Variants in PARP15 observed in about 807,000 individuals in gnomAD.
PARP15 encodes protein mono-ADP-ribosyltransferase PARP15.
Under a neutral mutation model 62.1 loss-of-function variants are expected in PARP15, and 50 were observed. That is an observed-to-expected ratio of 0.81 (90% confidence interval 0.64 to 1.02). The LOEUF (loss-of-function observed/expected upper bound fraction) is 1.02, where lower values mean the gene tolerates loss of function less well. PARP15 is among the 50% of genes least tolerant of loss of function. The pLI is 0.00. For synonymous variants in PARP15, 309 were observed against 293.1 expected (o/e 1.05, Z -0.55); for missense variants, 820 against 826.5 (o/e 0.99, Z 0.10).
chr3:122,620,247 A>G (rs1936253394), intron 7 of PARP15, among the ~76,000 whole-genome samples: 1 of 152,198 alleles, frequency 6.6e-6, no homozygotes, highest in Admixed American at 6.5e-5. Context: ...TTAATGTGAA[A>G]AGTTCTGTAA....
In PARP15 at chr3:122,638,893, C is replaced by G. The variant is rs569282732; in HGVS notation, c.*2793C>G. 2 of 152,142 alleles carry G rather than the reference C, an allele frequency of 1.3e-5. No individual in the cohort carries two copies. Among genetic ancestry groups the G allele is most frequent in the Admixed American group, 6.5e-5 (1 of 15,286 alleles). The allele number at this position is 152,142 out of a possible 1,614,324, so 9.4% of individuals were successfully genotyped here. On this transcript the variant is annotated 3_prime_UTR_variant, in exon 12 of 12. Transcript: ENST00000464300. ...TTTTCTGTAAACATAATTTTAATGG[C>G]AGAGATATTCTGCTTTATATCTTTC...
At chr3:122,582,782 T>C (rs563521058) in intron 1 of PARP15, among the ~76,000 whole-genome samples, 8 of 152,304 alleles carry the variant, frequency 5.3e-5, no homozygotes, top group Non-Finnish European at 1.0e-4. Context: ...TTCGTATTAG[T>C]CCTCTTAAAG....
At chr3:122,631,036 T>G (rs983543641) in intron 9 of PARP15, among the ~76,000 whole-genome samples, 4 of 152,156 alleles carry the variant, frequency 2.6e-5, no homozygotes, top group Non-Finnish European at 5.9e-5. Flanking sequence ...ATGAAAGGAA[T>G]AGAAGGCCCC....
At position 122,617,165 on chromosome 3, in the gene PARP15, G is replaced by T. The variant is rs780861053; in HGVS notation, c.1000+1G>T. On this transcript the variant is annotated splice_donor_variant, in intron 6 of 11. Transcript: ENST00000464300. LOFTEE classifies it high-confidence loss of function. ...GCAAGGACATTTAATCGGAAATCAGGTACTTTATTTAAGCAATATATTGTA... is the reference window on the plus strand; with the variant it reads ...GCAAGGACATTTAATCGGAAATCAGTTACTTTATTTAAGCAATATATTGTA... 5.0e-6 allele frequency: 8 copies of T among 1,610,406 alleles called. No individual in the cohort carries two copies. The African/African-American group carries it at 6.7e-5, about 13-fold the overall frequency.
At chr3:122,578,000 T>G (rs2080718499) in intron 1 of PARP15, 147 bp downstream of exon 1, 1 of 762,542 alleles carries the variant, frequency 1.3e-6, no homozygotes, top group East Asian at 3.2e-5. Flanking sequence ...GACTTCCCTG[T>G]TCCGGAAGAG....
intron 1 of PARP15, among the ~76,000 whole-genome samples, chr3:122,596,959 G>T (rs1186741386): frequency 6.6e-6 from 1 of 152,226 alleles, no homozygotes; most frequent in Non-Finnish European, 1.5e-5. Context: ...CAAAGAAAAG[G>T]AGCTTAACTT....
rs914630433 is a variant in PARP15 at position 122,637,709 on chromosome 3, A to G, written c.*1609A>G. The stretch of plus-strand genomic sequence containing the variant: ...TGCCAATTTCTCATGTCTCCCTTCC[A>G]GTTTCTTCTCTGTCCAAATTCAACA... On this transcript the variant is annotated 3_prime_UTR_variant, in exon 12 of 12. Transcript: ENST00000464300. The G allele has an allele frequency of 1.3e-5, 2 of 152,184 alleles. No homozygotes were observed. The highest frequency in any genetic ancestry group is 2.9e-5 in the Non-Finnish European group (2 of 68,028). The allele number at this position is 152,184 out of a possible 1,614,324, so 9.4% of individuals were successfully genotyped here.
intron 8 of PARP15, 106 bp downstream of exon 8, chr3:122,621,717 A>G (rs1936362315): frequency 1.9e-6 from 2 of 1,075,336 alleles, no homozygotes; most frequent in African/African-American, 3.3e-5. Flanking sequence ...AAGTGGGAAC[A>G]ATGATGTAAA....
intron 1 of PARP15, among the ~76,000 whole-genome samples, chr3:122,595,848 T>C (rs1020364055): frequency 1.3e-5 from 2 of 152,096 alleles, no homozygotes; most frequent in Admixed American, 1.3e-4. Context: ...CTCATTTTTA[T>C]TCTTCTTTTC....
rs943508673 is a variant in PARP15, at chr3:122,626,739, T to C, written c.1232-88T>C. ...TTCCTGGCTGTGAGGGGCTTTCCTG[T>C]TTCTCAGCACTGAGAACTGGATTTG... On this transcript the variant is annotated intron_variant, in intron 8 of 11. Coordinates refer to ENST00000464300, the MANE Select transcript of PARP15 (RefSeq NM_001113523.3). 5.8e-6 allele frequency: 7 copies of C among 1,211,660 alleles called. No individual in the cohort carries two copies. The African/African-American group carries it at 1.1e-4, about 19-fold the overall frequency. 75.1% of individuals were successfully genotyped at this position (1,211,660 alleles called of 1,614,324 possible). A position where few individuals can be genotyped will look rare whatever the true frequency, so the allele number is the denominator to read the frequency against.
chr3:122,602,878 C>T (rs78736780), intron 1 of PARP15, among the ~76,000 whole-genome samples: 2,288 of 152,264 alleles, frequency 0.015, 51 homozygotes, highest in African/African-American at 0.053. Context: ...ATTGCATTTA[C>T]GAATGTCACA....
In PARP15 at chr3:122,595,067, G is replaced by C. The variant is rs532806281; in HGVS notation, c.187-10869G>C. On this transcript the variant is annotated intron_variant, in intron 1 of 11. Coordinates refer to ENST00000464300, the MANE Select transcript of PARP15 (RefSeq NM_001113523.3). ...ATGAAGTCAGATTAGAGGCTGCACA[G>C]GTGATAAGGAAACCCATCAAAGCCA... Among the ~76,000 whole-genome samples the C allele has an allele frequency of 3.3e-5, 5 of 152,294 alleles. No individual in the cohort carries two copies. In the South Asian group the frequency reaches 1.0e-3, roughly 32 times the overall value.
At chr3:122,615,324 T>G in intron 4 of PARP15, 2 of 1,290,942 alleles carry the variant, frequency 1.5e-6, no homozygotes, top group Admixed American at 2.3e-5. Context: ...GCATACTGTA[T>G]GTATTTGTTG....
intron 1 of PARP15, among the ~76,000 whole-genome samples, chr3:122,584,587 T>TTTTTTTTTTTC: frequency 7.0e-6 from 1 of 142,650 alleles, no homozygotes; most frequent in African/African-American, 2.7e-5. Context: ...TTTTTTTTTT[T>TTTTTTTTTTTC]TCCGAGATGG....
intron 5 of PARP15, among the ~76,000 whole-genome samples, chr3:122,616,762 T>A (rs73858322): frequency 0.063 from 9,537 of 152,202 alleles, 939 homozygotes; most frequent in African/African-American, 0.21. Context: ...AGACTGACAC[T>A]ATCGGATATT....
intron 8 of PARP15, among the ~76,000 whole-genome samples, chr3:122,623,578 G>T (rs185375813): frequency 6.6e-6 from 1 of 152,278 alleles, no homozygotes; most frequent in African/African-American, 2.4e-5. Flanking sequence ...ACCAATAATC[G>T]TAAGTGTTGG....
intron 1 of PARP15, among the ~76,000 whole-genome samples, chr3:122,599,739 A>G (rs1934650495): frequency 1.3e-5 from 2 of 152,136 alleles, no homozygotes. Context: ...AAGCCCAGCT[A>G]ATTTTTCAAT....
rs181356993 is a variant in PARP15 at position 122,621,562 on chromosome 3, G to A, written c.1182G>A (p.Glu394=). 1.9e-6 allele frequency: 3 copies of A among 1,613,302 alleles called. No homozygotes were observed. Among genetic ancestry groups the A allele is most frequent in the Non-Finnish European group, 2.5e-6 (3 of 1,179,774 alleles). The change falls in exon 8 of 12, where the codon GAG becomes GAA. Residue 394 remains glutamate, a synonymous_variant. Transcript: ENST00000464300. ...AAACGGTCACCAGTGTTCTAGAAGA[G>A]TGTGAACAGAGGAAGTACACATCGG... ...VRKTVTSVLE[E]CEQRKYTSVS... is the part of the protein sequence containing the mutation.
Position 122,619,822 on chromosome 3 carries a change from G to A in PARP15, c.1042G>A (p.Glu348Lys). Residue 348 changes from glutamate to lysine, a missense_variant, in exon 7 of 12, where the codon GAA becomes AAA. By Grantham distance (56) the Glu-to-Lys change is moderately conservative. Coordinates refer to ENST00000464300, the MANE Select transcript of PARP15 (RefSeq NM_001113523.3). ...AILEGAGQAV[E>K]SECAVLAAQP... ...TTTAGAAGGTGCTGGACAAGCTGTG[G>A]AAAGTGAATGTGCTGTACTAGGTAT... is the stretch of plus-strand genomic sequence containing the variant. 1.9e-6 allele frequency: 3 copies of A among 1,613,654 alleles called. No homozygotes were observed. Among genetic ancestry groups the A allele is most frequent in the Non-Finnish European group, 2.5e-6 (3 of 1,179,552 alleles).
Sources: gnomAD v4.1 joint callset for allele counts (sites outside exome capture counted in the v4.1 genomes callset) on GRCh38, gnomAD v4.1.1 for gene constraint, MANE v1.5 for transcripts, NCBI Gene and HGNC (gene_info 2026-07-23, HGNC 2026-07-21) for gene names.